Variants in GABPA observed in about 807,000 individuals in gnomAD.
GABPA encodes GA-binding protein alpha chain.
A neutral mutation model predicts 59.4 loss-of-function variants in GABPA; 4 were observed. That is an observed-to-expected ratio of 0.07 (90% CI 0.03 to 0.15). The LOEUF is 0.15. Ranked by LOEUF, GABPA falls within the 10% of genes least tolerant of loss-of-function variation. The pLI is 1.00. For missense variants in GABPA, 251 were observed against 543.8 expected (o/e 0.46, Z 5.36); for synonymous variants, 164 against 183.1 (o/e 0.90, Z 0.84).
chr21:25,748,006 A>G (rs535224030), intron 3 of GABPA, among the ~76,000 whole-genome samples: 1 of 152,208 alleles, frequency 6.6e-6, no homozygotes, highest in Non-Finnish European at 1.5e-5. Flanking sequence ...TACCGGGTCT[A>G]AGCAATTTTC....
At position 25,767,352 on chromosome 21, in the gene GABPA, T is replaced by A. The variant is rs547795896; in HGVS notation, c.1137-1652T>A. On this transcript the variant is annotated intron_variant, in intron 9 of 9. Coordinates refer to ENST00000400075, the MANE Select transcript of GABPA (RefSeq NM_002040.4). ...GTGATATATTTGCAATTAAAAAGTT[T>A]AAAAAAATACAAGTTTAAAAAAAAA... 2.0e-5 allele frequency among the ~76,000 whole-genome samples: 3 copies of A among 151,972 alleles called. No homozygotes were observed. The South Asian group carries it at 6.2e-4, about 32-fold the overall frequency.
chr21:25,757,851 T>A (rs1330093847), intron 5 of GABPA, among the ~76,000 whole-genome samples, 159 bp from the exon 6 acceptor site: 1 of 91,040 alleles, frequency 1.1e-5, no homozygotes. Context: ...ACAGCATAAT[T>A]TTTTTTTTTT....
intron 5 of GABPA, among the ~76,000 whole-genome samples, chr21:25,756,126 G>A (rs1167113370): frequency 6.6e-6 from 1 of 152,188 alleles, no homozygotes; most frequent in Admixed American, 6.5e-5. Context: ...TGGACAATTA[G>A]TTATGTTAAA....
chr21:25,750,927 C>A (rs1005843467), intron 4 of GABPA, among the ~76,000 whole-genome samples: 1 of 152,088 alleles, frequency 6.6e-6, no homozygotes, highest in Non-Finnish European at 1.5e-5. Flanking sequence ...AAAAATGATT[C>A]TCTTTAAACT....
intron 1 of GABPA, 148 bp from the exon 2 acceptor site, chr21:25,741,425 C>T (rs1194028538): frequency 1.2e-5 from 5 of 408,164 alleles, no homozygotes; most frequent in African/African-American, 2.1e-5. Context: ...TGAGCCACCA[C>T]ACCCAGCTGA....
chr21:25,759,007 T>G (rs2035703270), intron 6 of GABPA, among the ~76,000 whole-genome samples: 1 of 151,796 alleles, frequency 6.6e-6, no homozygotes, highest in Non-Finnish European at 1.5e-5. Flanking sequence ...AAGGCGGAGG[T>G]TGCAGTGAGC....
intron 5 of GABPA, among the ~76,000 whole-genome samples, chr21:25,754,470 G>A (rs140404464): frequency 2.6e-5 from 4 of 152,012 alleles, no homozygotes; most frequent in Admixed American, 6.6e-5. Flanking sequence ...ACTACTTTCT[G>A]CCAGATTTTC....
chr21:25,758,327 TA>T, intron 6 of GABPA, 123 bp downstream of exon 6: 1 of 681,680 alleles, frequency 1.5e-6, no homozygotes, highest in Non-Finnish European at 2.4e-6. Context: ...AATTAACATT[TA>T]TTTACTGTAT....
chr21:25,747,238 G>A (rs920600573), intron 3 of GABPA, among the ~76,000 whole-genome samples: 2 of 152,214 alleles, frequency 1.3e-5, no homozygotes, highest in Admixed American at 1.3e-4. Flanking sequence ...ATAACTCAGT[G>A]TCACTGGACT....
chr21:25,762,096 T>C (rs1281412354), intron 6 of GABPA, among the ~76,000 whole-genome samples: 2 of 152,172 alleles, frequency 1.3e-5, no homozygotes, highest in Non-Finnish European at 2.9e-5. Context: ...ACATTGGAGC[T>C]TTTCCCTGTG....
chr21:25,760,263 A>G (rs548121092), intron 6 of GABPA, among the ~76,000 whole-genome samples: 3 of 152,316 alleles, frequency 2.0e-5, no homozygotes, highest in Admixed American at 1.3e-4. Context: ...CAGACTTTCT[A>G]GAATTCACAA....
chr21:25,742,956 T>A (rs567525110), intron 2 of GABPA, among the ~76,000 whole-genome samples: 21 of 151,740 alleles, frequency 1.4e-4, no homozygotes, highest in African/African-American at 4.1e-4. Context: ...AAGCCCAACA[T>A]TTTTTATTGC....
At chr21:25,755,069 G>T (rs2035601553) in intron 5 of GABPA, among the ~76,000 whole-genome samples, 1 of 151,984 alleles carries the variant, frequency 6.6e-6, no homozygotes, top group African/African-American at 2.4e-5. Context: ...AAAAATAAGA[G>T]TAAATAACTT....
Position 25,770,419 on chromosome 21 carries a change from C to G in GABPA, c.*1187C>G, listed in dbSNP as rs2077146802. The G allele has an allele frequency of 1.3e-5, 2 of 152,016 alleles. No homozygotes were observed. Among genetic ancestry groups the G allele is most frequent in the African/African-American group, 2.4e-5 (1 of 41,454 alleles). The allele number at this position is 152,016 out of a possible 1,614,324, so 9.4% of individuals were successfully genotyped here. ...CAACTCATTTTAAGATTCAAATTAA[C>G]TAATTCCTGCATATATGACATTCCT... On this transcript the variant is annotated 3_prime_UTR_variant, in exon 10 of 10. Coordinates refer to ENST00000400075, the MANE Select transcript of GABPA (RefSeq NM_002040.4).
At chr21:25,741,540 G>T in intron 1 of GABPA, 33 bp from the exon 2 acceptor site, 1 of 1,246,302 alleles carries the variant, frequency 8.0e-7, no homozygotes, top group Non-Finnish European at 1.1e-6. Flanking sequence ...TATGTGGATA[G>T]TTTTAAAATA....
chr21:25,736,042 A>G lies in GABPA; in HGVS notation c.-27+464A>G, dbSNP rs142906444. Among the ~76,000 whole-genome samples, 277 of 152,228 alleles carry G rather than the reference A, an allele frequency of 1.8e-3. 1 individual carries two copies. Among genetic ancestry groups the G allele is most frequent in the African/African-American group, 5.1e-3 (213 of 41,526 alleles). On this transcript the variant is annotated intron_variant, in intron 1 of 9. Coordinates refer to ENST00000400075, the MANE Select transcript of GABPA (RefSeq NM_002040.4). ...ATCCGCTCTCTTTATAGAACAACAC[A>G]CACCAGAATCATTTATCAGCGTATA...
intron 7 of GABPA, among the ~76,000 whole-genome samples, chr21:25,762,678 A>G (rs2035793621): frequency 6.6e-6 from 1 of 152,206 alleles, no homozygotes; most frequent in African/African-American, 2.4e-5. Flanking sequence ...TACCTGACAG[A>G]ACTTTCATGC....
chr21:25,743,442 A>G (rs999794968), intron 2 of GABPA, among the ~76,000 whole-genome samples: 3 of 152,316 alleles, frequency 2.0e-5, no homozygotes, highest in East Asian at 1.9e-4. Flanking sequence ...AGTATGTACT[A>G]TCTGACCTTT....
At chr21:25,764,864 T>C (rs761349475) in intron 9 of GABPA, 77 bp downstream of exon 9, 27 of 1,040,206 alleles carry the variant, frequency 2.6e-5, no homozygotes, top group Non-Finnish European at 3.4e-5. Context: ...CTAGATGTAA[T>C]AAGCATTGTT....
Sources: allele counts gnomAD v4.1 joint callset (sites outside exome capture counted in the v4.1 genomes callset), GRCh38; gene constraint gnomAD v4.1.1; transcripts MANE v1.5; gene names NCBI Gene and HGNC (gene_info 2026-07-23, HGNC 2026-07-21).